Variants in HSPA9 observed in about 807,000 individuals in gnomAD.
HSPA9 encodes the protein stress-70 protein, mitochondrial.
A neutral mutation model predicts 81.5 loss-of-function variants in HSPA9; 28 were observed. The observed-to-expected ratio is 0.34, with a 90% CI of 0.25 to 0.47. HSPA9 has a LOEUF of 0.47. HSPA9 is among the 20% of genes least tolerant of loss of function. HSPA9 has a pLI of 1.00. For synonymous variants in HSPA9, 293 were observed against 290.4 expected (o/e 1.01, Z -0.09); for missense variants, 678 against 838.0 (o/e 0.81, Z 2.36).
chr5:138,570,845 A>G, intron 4 of HSPA9, 115 bp downstream of exon 4: 5 of 955,004 alleles, frequency 5.2e-6, no homozygotes, highest in Admixed American at 3.4e-5. Context: ...CCTAGGGACA[A>G]TAAGTAAAAT....
chr5:138,566,961 A>G, intron 8 of HSPA9, 40 bp downstream of exon 8: 1 of 1,589,524 alleles, frequency 6.3e-7, no homozygotes, highest in East Asian at 2.2e-5. Context: ...GAATTTCTCA[A>G]TATCCCAACG....
In HSPA9 at chr5:138,574,053, T is replaced by G; in HGVS notation, c.140+15A>C. On this transcript the variant is annotated intron_variant, in intron 2 of 16. Transcript: ENST00000297185. ...AATATGTATTCCCTCTCAAAGGAAA[T>G]GATATTATACTTACGCATAATCCCG... is the stretch of plus-strand genomic sequence containing the variant. 1.3e-6 allele frequency: 2 copies of G among 1,596,498 alleles called. No homozygotes were observed. The highest frequency in any genetic ancestry group is 1.7e-6 in the Non-Finnish European group (2 of 1,164,070).
chr5:138,569,737 GAC>G (rs895698538), intron 4 of HSPA9, among the ~76,000 whole-genome samples: 6 of 152,118 alleles, frequency 3.9e-5, no homozygotes, highest in East Asian at 1.9e-4. Flanking sequence ...TATAGACAGA[GAC>G]ACACACAGTC....
intron 4 of HSPA9, 77 bp from the exon 5 acceptor site, chr5:138,569,126 A>T (rs746949534): frequency 2.4e-5 from 34 of 1,402,558 alleles, no homozygotes; most frequent in Non-Finnish European, 2.5e-5. Context: ...TACCATGAAC[A>T]TCCATCTTCC....
chr5:138,557,068 G>C (rs1477489065), intron 14 of HSPA9: 7 of 625,796 alleles, frequency 1.1e-5, no homozygotes, highest in Non-Finnish European at 2.0e-5. Flanking sequence ...AATTGTGACA[G>C]GGAAAACAGA....
intron 3 of HSPA9, among the ~76,000 whole-genome samples, chr5:138,571,474 A>T (rs1750888826): frequency 6.6e-6 from 1 of 151,676 alleles, no homozygotes; most frequent in South Asian, 2.1e-4. Flanking sequence ...ATGAGCCAAT[A>T]CGCCCAGCCT....
At chr5:138,561,978 C>T (rs768816497) in intron 9 of HSPA9, among the ~76,000 whole-genome samples, 189 bp from the exon 10 acceptor site, 3 of 150,830 alleles carry the variant, frequency 2.0e-5, no homozygotes, top group East Asian at 2.0e-4. Flanking sequence ...CTCATTCTAT[C>T]GCCAGGCTGG....
chr5:138,558,245 G>A (rs1750574810), intron 12 of HSPA9, among the ~76,000 whole-genome samples: 1 of 152,146 alleles, frequency 6.6e-6, no homozygotes, highest in Admixed American at 6.6e-5. Flanking sequence ...ATGACAGATA[G>A]CAAATCTCCT....
At chr5:138,561,088 T>C (rs756489503) in intron 10 of HSPA9, 4 of 495,570 alleles carry the variant, frequency 8.1e-6, no homozygotes, top group African/African-American at 5.8e-5. Context: ...GAATGATGTG[T>C]TGAATAAAAT....
chr5:138,569,837 G>C (rs1750839849), intron 4 of HSPA9, among the ~76,000 whole-genome samples: 2 of 151,684 alleles, frequency 1.3e-5, no homozygotes. Context: ...ACAGACATGA[G>C]CCACTGCTCT....
In HSPA9 at chr5:138,556,504, G is replaced by C. The variant is rs897464861; in HGVS notation, c.1910C>G (p.Ala637Gly). Residue 637 changes from alanine (A) to glycine (G), a missense_variant, in exon 16 of 17, where the codon GCA (alanine) becomes GGA (glycine). Ala to Gly is a moderately conservative substitution (Grantham distance 60). This residue lies in a region of HSPA9 where 100 missense variants were observed against 99.5 expected (regional missense o/e 1.00). Coordinates refer to ENST00000297185, the MANE Select transcript of HSPA9 (RefSeq NM_004134.7). Reference sequence around the variant, plus strand: ...CAGTGATGCCTGCTGAAGAGAGGATGCTGCCTGTCTAATATTTTCTCCTGT... The same window carrying C: ...CAGTGATGCCTGCTGAAGAGAGGATCCTGCCTGTCTAATATTTTCTCCTGT... ...SETGENIRQA[A>G]SSLQQASLKL... 5 of 1,613,924 alleles carry C rather than the reference G, an allele frequency of 3.1e-6. No homozygotes were observed. The African/African-American group carries it at 6.7e-5, about 22-fold the overall frequency.
Position 138,555,351 on chromosome 5 carries a change from A to AT in HSPA9, c.*685dup, listed in dbSNP as rs1305936278. On this transcript the variant is annotated 3_prime_UTR_variant, in exon 17 of 17. Transcript: ENST00000297185. ...AACAAGAGATCAAGATGCTTTCTGT[A>AT]TTTATTTAAAAAAAAAAAAATTCCA... 2 of 151,966 alleles carry AT rather than the reference A, an allele frequency of 1.3e-5. No individual in the cohort carries two copies. The highest frequency in any genetic ancestry group is 2.9e-5 in the Non-Finnish European group (2 of 68,010). 9.4% of individuals were successfully genotyped at this position (151,966 alleles called of 1,614,324 possible). A position where few individuals can be genotyped will look rare whatever the true frequency, so the allele number is the denominator to read the frequency against.
chr5:138,561,251 G>A (rs1010680929), intron 10 of HSPA9: 9 of 363,530 alleles, frequency 2.5e-5, no homozygotes, highest in East Asian at 7.1e-5. Flanking sequence ...GACTGAGTTC[G>A]GGATCCTCCC....
intron 9 of HSPA9, among the ~76,000 whole-genome samples, chr5:138,564,083 GATTATTTTT>G (rs1240025927): frequency 5.3e-5 from 8 of 152,204 alleles, no homozygotes; most frequent in Admixed American, 2.0e-4. Flanking sequence ...TACCTTCTTA[GATTATTTTT>G]ATTATTTTTA....
intron 1 of HSPA9, 126 bp from the exon 2 acceptor site, chr5:138,574,252 C>T: frequency 1.4e-6 from 1 of 713,766 alleles, no homozygotes; most frequent in South Asian, 1.6e-5. Flanking sequence ...TAAAGTTTCC[C>T]AAATAAGTAA....
intron 11 of HSPA9, 108 bp from the exon 12 acceptor site, chr5:138,558,765 T>C: frequency 1.3e-6 from 1 of 755,708 alleles, no homozygotes; most frequent in Non-Finnish European, 2.4e-6. Context: ...AGACTCCTAA[T>C]TTACGGTATG....
chr5:138,571,528 C>G (rs983977949), intron 3 of HSPA9, among the ~76,000 whole-genome samples: 2 of 152,140 alleles, frequency 1.3e-5, no homozygotes, highest in Non-Finnish European at 2.9e-5. Flanking sequence ...ACAGAAACAG[C>G]TCCCAAATTG....
intron 1 of HSPA9, among the ~76,000 whole-genome samples, chr5:138,574,605 C>T (rs1751042329): frequency 6.6e-6 from 1 of 152,332 alleles, no homozygotes; most frequent in Admixed American, 6.5e-5. Context: ...ACCTTTATTA[C>T]AACTTAACCT....
At position 138,561,650 on chromosome 5, in the gene HSPA9, T is replaced by C; in HGVS notation, c.1112A>G (p.Gln371Arg). The C allele has an allele frequency of 6.2e-7, 1 of 1,614,188 alleles. No individual in the cohort carries two copies. Among genetic ancestry groups the C allele is most frequent in the South Asian group, 1.1e-5 (1 of 91,086 alleles). Residue 371 changes from glutamine to arginine, a missense_variant, in exon 10 of 17, where the codon CAA (glutamine) becomes CGA (arginine). This residue lies in a region of HSPA9 where 484 missense variants were observed against 647.5 expected (regional missense o/e 0.75). Coordinates refer to ENST00000297185, the MANE Select transcript of HSPA9 (RefSeq NM_004134.7). ...RTIAPCQKAM[Q>R]DAEVSKSDIG... ...GTCACTCTTGCTGACTTCTGCATCT[T>C]GCATAGCTTTTTGGCATGGAGCGAT...
Sources: gnomAD v4.1 joint callset for allele counts (sites outside exome capture counted in the v4.1 genomes callset) on GRCh38, gnomAD v4.1.1 for gene constraint, gnomAD v4.1.1 regional missense constraint, MANE v1.5 for transcripts, NCBI Gene and HGNC (gene_info 2026-07-23, HGNC 2026-07-21) for gene names.